Variants in SASS6 observed in about 807,000 individuals in gnomAD.
The protein encoded by SASS6 is spindle assembly abnormal protein 6 homolog.
Under a neutral mutation model 94.9 loss-of-function variants are expected in SASS6, and 59 were observed. The ratio of observed to expected loss-of-function variants is 0.62; its 90% confidence interval spans 0.50 to 0.77. The LOEUF (loss-of-function observed/expected upper bound fraction) is 0.77, where lower values mean the gene tolerates loss of function less well. Among genes scored for constraint, SASS6 ranks in the 30% least tolerant of loss-of-function variants. The pLI is 0.00. For missense variants in SASS6, 698 were observed against 734.1 expected (o/e 0.95, Z 0.57); for synonymous variants, 264 against 270.0 (o/e 0.98, Z 0.22).
At chr1:100,119,337 C>T (rs1166437873) in intron 6 of SASS6, among the ~76,000 whole-genome samples, 200 bp from the exon 7 acceptor site, 1 of 152,158 alleles carries the variant, frequency 6.6e-6, no homozygotes, top group Non-Finnish European at 1.5e-5. Context: ...AGACCCAAAA[C>T]GGCCCACAGG....
intron 3 of SASS6, 152 bp downstream of exon 3, chr1:100,123,058 A>C: frequency 2.3e-6 from 1 of 430,880 alleles, no homozygotes; most frequent in Middle Eastern, 6.3e-4. Flanking sequence ...TTTATTTTCC[A>C]AAACACCCTA....
intron 7 of SASS6, among the ~76,000 whole-genome samples, chr1:100,116,491 T>A (rs752838689): frequency 1.3e-5 from 2 of 152,148 alleles, no homozygotes; most frequent in Non-Finnish European, 2.9e-5. Flanking sequence ...AAGCTAAACA[T>A]ATGCCTATAT....
chr1:100,124,697 T>A (rs1420028619), intron 2 of SASS6, among the ~76,000 whole-genome samples: 1 of 152,106 alleles, frequency 6.6e-6, no homozygotes, highest in Non-Finnish European at 1.5e-5. Flanking sequence ...CCGTATTTCT[T>A]AGTTCTCTGT....
In SASS6 at chr1:100,121,543, C is replaced by T. The variant is rs775218082; in HGVS notation, c.318G>A (p.Leu106=). 3.8e-6 allele frequency: 6 copies of T among 1,569,644 alleles called. No individual in the cohort carries two copies. The highest frequency in any genetic ancestry group is 5.2e-6 in the Non-Finnish European group (6 of 1,150,706). ...TAGCTGCTGGAGAAACTAACTGTAG[C>T]AAAAACCTTTGAAAAGAAAATGTTA... ...QEHAKEIPRF[L]LQLVSPAAIL... Residue 106 remains leucine (L), a synonymous_variant, in exon 5 of 17, where the codon TTG becomes TTA. Transcript: ENST00000287482.
At position 100,107,507 on chromosome 1, in the gene SASS6, A is replaced by G; in HGVS notation, c.1193T>C (p.Met398Thr). The change falls in exon 11 of 17, where the codon ATG becomes ACG. Residue 398 changes from methionine to threonine, a missense_variant. Coordinates refer to ENST00000287482, the MANE Select transcript of SASS6 (RefSeq NM_194292.3). ...KKLQGDLKTL[M>T]GKLKLKNTVT... Reference sequence around the variant, plus strand: ...TGTATTCTTCAATTTCAACTTACCCATTAAAGTTTTCAGATCCCCTTGTAA... The same window carrying G: ...TGTATTCTTCAATTTCAACTTACCCGTTAAAGTTTTCAGATCCCCTTGTAA... 1 of 1,608,334 alleles carries G rather than the reference A, an allele frequency of 6.2e-7. No homozygotes were observed. The highest frequency in any genetic ancestry group is 8.5e-7 in the Non-Finnish European group (1 of 1,175,938).
At chr1:100,112,394 G>A (rs748471236) in intron 7 of SASS6, among the ~76,000 whole-genome samples, 13 of 152,072 alleles carry the variant, frequency 8.5e-5, no homozygotes, top group African/African-American at 2.4e-4. Context: ...GTGATTCTAC[G>A]TGTTGCTAGG....
At chr1:100,114,360 C>A (rs1446343208) in intron 7 of SASS6, among the ~76,000 whole-genome samples, 1 of 151,852 alleles carries the variant, frequency 6.6e-6, no homozygotes, top group Non-Finnish European at 1.5e-5. Flanking sequence ...AAAAGACAAT[C>A]TCAGACCAAT....
At chr1:100,131,145 G>A (rs1355908133) in intron 1 of SASS6, among the ~76,000 whole-genome samples, 3 of 151,662 alleles carry the variant, frequency 2.0e-5, no homozygotes, top group Non-Finnish European at 2.9e-5. Context: ...GAGATACAAT[G>A]TAAGCCACAA....
At chr1:100,126,763 C>A (rs757573718) in intron 1 of SASS6, among the ~76,000 whole-genome samples, 4 of 151,532 alleles carry the variant, frequency 2.6e-5, no homozygotes, top group Admixed American at 2.0e-4. Flanking sequence ...GCAACAGAGA[C>A]CCTGTCTCAA....
At chr1:100,129,288 A>C (rs1040674921) in intron 1 of SASS6, among the ~76,000 whole-genome samples, 1 of 152,098 alleles carries the variant, frequency 6.6e-6, no homozygotes, top group African/African-American at 2.4e-5. Context: ...AAACAAAACA[A>C]AACAAAAAAA....
chr1:100,085,426 T>C lies in SASS6; in HGVS notation c.1876A>G (p.Arg626Gly), dbSNP rs370526483. Residue 626 changes from arginine to glycine, a missense_variant, in exon 17 of 17, where the codon AGA becomes GGA. Coordinates refer to ENST00000287482, the MANE Select transcript of SASS6 (RefSeq NM_194292.3). Reference protein sequence around the residue: ...QNLFSNSDHQRDGTLGALHTS... With the variant: ...QNLFSNSDHQGDGTLGALHTS... ...TGTAATGCTCCTAAAGTGCCATCTC[T>C]CTGATGGTCTGCAAATGAGGACAAA... The C allele has an allele frequency of 6.2e-7, 1 of 1,607,194 alleles. No homozygotes were observed. The highest frequency in any genetic ancestry group is 8.5e-7 in the Non-Finnish European group (1 of 1,173,734).
rs1235143194 is a variant in SASS6, at chr1:100,103,046, C to A, written c.1583G>T (p.Gly528Val). The A allele has an allele frequency of 6.2e-7, 1 of 1,606,350 alleles. No homozygotes were observed. The highest frequency in any genetic ancestry group is 1.3e-5 in the African/African-American group (1 of 74,696). The change falls in exon 14 of 17, where the codon GGT becomes GTT. Residue 528 changes from glycine (G) to valine (V), a missense_variant. By Grantham distance (109) the Gly-to-Val change is moderately radical (BLOSUM62 -3). Transcript: ENST00000287482. Reference protein sequence around the residue: ...GRLTYPTCGIGYPVSSAFAFQ... With the variant: ...GRLTYPTCGIVYPVSSAFAFQ... ...TGCAAATGCAGAGGAGACAGGATAACCAATCCCACAGGTTGGGTAAGTCAG... is the reference window on the plus strand; with the variant it reads ...TGCAAATGCAGAGGAGACAGGATAAACAATCCCACAGGTTGGGTAAGTCAG...
At chr1:100,103,638 G>A (rs1041534765) in intron 13 of SASS6, among the ~76,000 whole-genome samples, 1 of 152,106 alleles carries the variant, frequency 6.6e-6, no homozygotes, top group African/African-American at 2.4e-5. Context: ...ACTAATGGAT[G>A]CACACAAAAA....
chr1:100,110,529 C>A, intron 7 of SASS6, 46 bp from the exon 8 acceptor site: 3 of 990,690 alleles, frequency 3.0e-6, no homozygotes, highest in South Asian at 2.4e-5. Context: ...AGAAAAAAAT[C>A]AGAAATACAA....
intron 14 of SASS6, among the ~76,000 whole-genome samples, chr1:100,089,108 AAT>A (rs1189204156): frequency 6.6e-6 from 1 of 152,128 alleles, no homozygotes; most frequent in Non-Finnish European, 1.5e-5. Flanking sequence ...CCAGACATAA[AAT>A]AGTCAATATA....
chr1:100,106,922 AT>A lies in SASS6; in HGVS notation c.1397del (p.Asn466IlefsTer5). On this transcript the variant is annotated frameshift_variant, in exon 12 of 17. Coordinates refer to ENST00000287482, the MANE Select transcript of SASS6 (RefSeq NM_194292.3). LOFTEE classifies it high-confidence loss of function. Reference sequence around the variant, plus strand: ...ACGTAACATACTTACACTTTTCATTATTTTTTAGAAGTTGTTTGCTTTCTTC... The same window carrying A: ...ACGTAACATACTTACACTTTTCATTATTTTTAGAAGTTGTTTGCTTTCTTC... ...KLEESKQLLK[N>X]NEKLITWLNK... 5 of 1,306,838 alleles carry A rather than the reference AT, an allele frequency of 3.8e-6. No individual in the cohort carries two copies. The highest frequency in any genetic ancestry group is 4.4e-6 in the Non-Finnish European group (4 of 909,332). The allele number at this position is 1,306,838 out of a possible 1,614,324, so 81.0% of individuals were successfully genotyped here.
chr1:100,115,025 A>G (rs920332654), intron 7 of SASS6, among the ~76,000 whole-genome samples: 55 of 152,174 alleles, frequency 3.6e-4, no homozygotes, highest in African/African-American at 1.3e-3. Flanking sequence ...TAACAGTGAG[A>G]TATTTTAGTT....
intron 11 of SASS6, among the ~76,000 whole-genome samples, 169 bp downstream of exon 11, chr1:100,107,205 T>C (rs1185645251): frequency 6.6e-6 from 1 of 152,008 alleles, no homozygotes; most frequent in Non-Finnish European, 1.5e-5. Flanking sequence ...TGAATCATGA[T>C]AACTAACTTT....
Position 100,110,303 on chromosome 1 carries a change from C to A in SASS6, c.850G>T (p.Gly284Cys). 1 of 1,562,580 alleles carries A rather than the reference C, an allele frequency of 6.4e-7. No homozygotes were observed. Among genetic ancestry groups the A allele is most frequent in the East Asian group, 2.3e-5 (1 of 43,106 alleles). ...TIRELKAKLS[G>C]VEEELQRTKQ... is the part of the protein sequence containing the mutation. ...ACAACATTCAATACCTCTTCAACAC[C>A]AGAAAGTTTTGCTTTAAGTTCTCTA... The change falls in exon 8 of 17, where the codon GGT becomes TGT. Residue 284 changes from glycine to cysteine, a missense_variant. Transcript: ENST00000287482.
Sources: gnomAD v4.1 joint callset for allele counts (sites outside exome capture counted in the v4.1 genomes callset) on GRCh38, gnomAD v4.1.1 for gene constraint, MANE v1.5 for transcripts, NCBI Gene and HGNC (gene_info 2026-07-23, HGNC 2026-07-21) for gene names.